PWWP3B: variants seen among roughly 807,000 people sequenced by gnomAD.
PWWP3B encodes the protein PWWP domain containing 3B.
Under a neutral mutation model 15.7 loss-of-function variants are expected in PWWP3B, and 5 were observed. That is an observed-to-expected ratio of 0.32 (90% CI 0.17 to 0.67). The LOEUF (loss-of-function observed/expected upper bound fraction) is 0.67, where lower values mean the gene tolerates loss of function less well. Among genes scored for constraint, PWWP3B ranks in the 30% least tolerant of loss-of-function variants. The pLI is 0.74. For synonymous variants in PWWP3B, 203 were observed against 179.8 expected, an observed-to-expected ratio of 1.13 and a Z score of -1.03; for missense variants, 519 against 493.1, an observed-to-expected ratio of 1.05 and a Z score of -0.50.
At chrX:106,176,840 A>G (rs1357408266) in intron 2 of PWWP3B, among the ~76,000 whole-genome samples, 2 of 112,219 alleles carry the variant, frequency 1.8e-5, no homozygotes, top group East Asian at 2.8e-4. Context: ...AAAAAGAGAG[A>G]TATACATCAT....
At chrX:106,184,344 C>T (rs909506297) in intron 2 of PWWP3B, among the ~76,000 whole-genome samples, 13 of 111,293 alleles carry the variant, frequency 1.2e-4, no homozygotes, top group Non-Finnish European at 1.3e-4. Flanking sequence ...CTCCCATAGC[C>T]GCTGGAGAAA....
rs1266332551 is a variant in PWWP3B, at chrX:106,181,364, CGCTGATTGGTCCATTTTACAGAGT to C, written c.-401+10260_-401+10283del. On this transcript the variant is annotated intron_variant, in intron 2 of 3. Coordinates refer to ENST00000357175, the MANE Select transcript of PWWP3B (RefSeq NM_001171020.2). Reference sequence around the variant, plus strand: ...GTGCTGATTGGTCCATTTTACACAGCGCTGATTGGTCCATTTTACAGAGTGCTGATTGGTCCATTTTACAGAGTG... The same window carrying C: ...GTGCTGATTGGTCCATTTTACACAGCGCTGATTGGTCCATTTTACAGAGTG... 1.3e-4 allele frequency among the ~76,000 whole-genome samples: 15 copies of C among 111,491 alleles called. No homozygotes were observed. The East Asian group carries it at 1.7e-3, about 13-fold the overall frequency.
At chrX:106,186,650 A>C (rs1300436683) in intron 2 of PWWP3B, among the ~76,000 whole-genome samples, 1 of 110,690 alleles carries the variant, frequency 9.0e-6, no homozygotes, top group Non-Finnish European at 1.9e-5. Context: ...GGTGAGTGTT[A>C]CAGCTCTTAA....
rs576741062 is a variant in PWWP3B at position 106,173,620 on chromosome X, G to C, written c.-401+2481G>C. Among the ~76,000 whole-genome samples, 60 of 112,097 alleles carry C rather than the reference G, an allele frequency of 5.4e-4. 1 individual carries two copies. In the South Asian group the frequency reaches 0.022, roughly 42 times the overall value. On this transcript the variant is annotated intron_variant, in intron 2 of 3. Transcript: ENST00000357175. ...TTTGTGAAGGTTCAGGGGGATAAAA[G>C]AGGCTACAACAGACGAGAACCATTT...
chrX:106,190,201 A>T (rs1922832727), intron 2 of PWWP3B, among the ~76,000 whole-genome samples: 1 of 111,273 alleles, frequency 9.0e-6, no homozygotes, highest in Non-Finnish European at 1.9e-5. Context: ...CCTCTCCAGC[A>T]CCTGTTGTTT....
intron 2 of PWWP3B, among the ~76,000 whole-genome samples, chrX:106,179,670 A>G (rs2147592437): frequency 8.9e-6 from 1 of 112,006 alleles, no homozygotes; most frequent in Non-Finnish European, 1.9e-5. Context: ...AGTTGGAGTA[A>G]GAATTAACAC....
At chrX:106,173,235 G>A (rs778529759) in intron 2 of PWWP3B, among the ~76,000 whole-genome samples, 3 of 111,156 alleles carry the variant, frequency 2.7e-5, no homozygotes, top group African/African-American at 9.8e-5. Context: ...ATTCACTTAC[G>A]ATAACTCAGA....
At chrX:106,200,884 T>C (rs928210675) in intron 2 of PWWP3B, among the ~76,000 whole-genome samples, 1 of 108,916 alleles carries the variant, frequency 9.2e-6, no homozygotes, top group African/African-American at 3.3e-5. Context: ...CCTTCTCTAC[T>C]AAAAATGCAA....
chrX:106,192,783 C>G (rs1294751119), intron 2 of PWWP3B, among the ~76,000 whole-genome samples: 10 of 110,714 alleles, frequency 9.0e-5, no homozygotes, highest in African/African-American at 3.0e-4. Flanking sequence ...TTATTTCTGC[C>G]TTCATTTCAT....
At chrX:106,168,713 G>GA (rs1424791118) in intron 1 of PWWP3B, among the ~76,000 whole-genome samples, 1 of 112,054 alleles carries the variant, frequency 8.9e-6, no homozygotes, top group East Asian at 2.8e-4. Context: ...TCCTTATTTT[G>GA]AAAAAGGTTG....
intron 2 of PWWP3B, among the ~76,000 whole-genome samples, chrX:106,195,302 C>T (rs1406414912): frequency 9.0e-6 from 1 of 110,937 alleles, no homozygotes; most frequent in African/African-American, 3.3e-5. Flanking sequence ...GTATTGTCTC[C>T]CAATCTGGGT....
chrX:106,177,126 G>A (rs1480219960), intron 2 of PWWP3B: 1 of 113,077 alleles, frequency 8.8e-6, no homozygotes, highest in African/African-American at 3.2e-5. Context: ...AAATTAAACA[G>A]ACACATGTTG....
At chrX:106,174,452 A>ACCCGGGAGGCGGAGCTTGCAGTGAGCCG (rs1317127921) in intron 2 of PWWP3B, among the ~76,000 whole-genome samples, 1 of 112,355 alleles carries the variant, frequency 8.9e-6, no homozygotes, top group African/African-American at 3.2e-5. Context: ...TCTAAATTTA[A>ACCCGGGAGGCGGAGCTTGCAGTGAGCCG]ATCTTAATTT....
chrX:106,177,637 G>C (rs1320823981), intron 2 of PWWP3B, among the ~76,000 whole-genome samples: 1 of 112,115 alleles, frequency 8.9e-6, no homozygotes, highest in East Asian at 2.8e-4. Flanking sequence ...TTTTTACGTG[G>C]CACTACATAT....
chrX:106,179,723 T>A (rs1922087041), intron 2 of PWWP3B, among the ~76,000 whole-genome samples: 1 of 111,864 alleles, frequency 8.9e-6, no homozygotes, highest in African/African-American at 3.3e-5. Context: ...TGTGTGACAG[T>A]GGGTAAGGCT....
chrX:106,175,206 G>A (rs754789053), intron 2 of PWWP3B, among the ~76,000 whole-genome samples: 1 of 106,492 alleles, frequency 9.4e-6, no homozygotes, highest in Admixed American at 1.0e-4. Flanking sequence ...AGAGACATGA[G>A]ACTAAGCAAC....
intron 2 of PWWP3B, among the ~76,000 whole-genome samples, chrX:106,196,860 CTTATA>C (rs1923407623): frequency 9.0e-6 from 1 of 111,717 alleles, no homozygotes; most frequent in Non-Finnish European, 1.9e-5. Flanking sequence ...GCTTGCATAA[CTTATA>C]TTATTTGTGC....
chrX:106,179,265 CTACA>C (rs879216749), intron 2 of PWWP3B, among the ~76,000 whole-genome samples: 1 of 112,270 alleles, frequency 8.9e-6, no homozygotes, highest in Admixed American at 9.4e-5. Flanking sequence ...AAAAATGCTG[CTACA>C]TAGTCTGCCC....
At chrX:106,175,297 C>T (rs779181454) in intron 2 of PWWP3B, among the ~76,000 whole-genome samples, 6 of 89,656 alleles carry the variant, frequency 6.7e-5, no homozygotes. Context: ...CTGGAGTGCA[C>T]TGGCGCGATC....
Sources: gnomAD v4.1 joint callset for allele counts (sites outside exome capture counted in the v4.1 genomes callset) on GRCh38, gnomAD v4.1.1 for gene constraint, MANE v1.5 for transcripts, NCBI Gene and HGNC (gene_info 2026-07-23, HGNC 2026-07-21) for gene names.